Variants in KAT6A observed in about 807,000 individuals in gnomAD.
The protein encoded by KAT6A is histone acetyltransferase KAT6A.
In KAT6A, 9 loss-of-function variants were observed where a neutral mutation model predicts 198.4. That is an observed-to-expected ratio of 0.05 (90% CI 0.03 to 0.08). The LOEUF (loss-of-function observed/expected upper bound fraction) is 0.08, where lower values mean the gene tolerates loss of function less well. Among genes scored for constraint, KAT6A ranks in the 10% least tolerant of loss-of-function variants. The probability of loss-of-function intolerance (pLI) is 1.00; values close to 1 mark genes in which losing one functional copy is unlikely to be tolerated. For missense variants in KAT6A, 2,077 were observed against 2,509.9 expected, an observed-to-expected ratio of 0.83 and a Z score of 3.69; for synonymous variants, 890 against 883.0, an observed-to-expected ratio of 1.01 and a Z score of -0.14.
chr8:42,044,907 C>G (rs1827835795), intron 2 of KAT6A, among the ~76,000 whole-genome samples: 1 of 152,174 alleles, frequency 6.6e-6, no homozygotes, highest in South Asian at 2.1e-4. Context: ...TTGAGAACAT[C>G]TAGGTTCGTA....
Position 41,934,051 on chromosome 8 carries a change from G to T in KAT6A, c.4169C>A (p.Ala1390Asp). Residue 1390 changes from alanine to aspartate, a missense_variant, in exon 17 of 17, where the codon GCT becomes GAT. By Grantham distance (126) the Ala-to-Asp change is moderately radical. Around this residue, in one of 13 missense-constraint regions of KAT6A, gnomAD observed 178 missense variants for 220.8 expected, o/e 0.81. Coordinates refer to ENST00000265713, the MANE Select transcript of KAT6A (RefSeq NM_006766.5). ...TTCTTCGTGGTCGTCCTCAGACCCAGCCATCTGCTCTGACACCACGGACGT... is the reference window on the plus strand; with the variant it reads ...TTCTTCGTGGTCGTCCTCAGACCCATCCATCTGCTCTGACACCACGGACGT... Reference protein sequence around the residue: ...HDTSVVSEQMAGSEDDHEEDS... With the variant: ...HDTSVVSEQMDGSEDDHEEDS... The T allele has an allele frequency of 6.2e-7, 1 of 1,614,058 alleles. No homozygotes were observed. The highest frequency in any genetic ancestry group is 8.5e-7 in the Non-Finnish European group (1 of 1,180,004).
chr8:42,022,130 TA>T (rs1826570138), intron 2 of KAT6A, among the ~76,000 whole-genome samples: 1 of 152,182 alleles, frequency 6.6e-6, no homozygotes, highest in Non-Finnish European at 1.5e-5. Context: ...TGCTGTGATC[TA>T]AATATAATAC....
rs892245359 is a variant in KAT6A at position 42,048,721 on chromosome 8, C to T, written c.257G>A (p.Arg86Gln). 68 of 1,614,024 alleles carry T rather than the reference C, an allele frequency of 4.2e-5. No homozygotes were observed. Among genetic ancestry groups the T allele is most frequent in the Non-Finnish European group, 5.5e-5 (65 of 1,180,028 alleles). Residue 86 changes from arginine to glutamine, a missense_variant, in exon 2 of 17, where the codon CGG (arginine) becomes CAG (glutamine). This residue lies in a region of KAT6A where 185 missense variants were observed against 185.7 expected (regional missense o/e 1.00). Coordinates refer to ENST00000265713, the MANE Select transcript of KAT6A (RefSeq NM_006766.5). Reference sequence around the variant, plus strand: ...TTTATTATCCAATTTTCCATGGTTCCGAGGCTTAGGAAGTGCTATTCGCCC... The same window carrying T: ...TTTATTATCCAATTTTCCATGGTTCTGAGGCTTAGGAAGTGCTATTCGCCC... The part of the protein sequence containing the change: ...NPGRIALPKP[R>Q]NHGKLDNKQN...
Position 41,929,588 on chromosome 8 carries a change from G to A in KAT6A, c.*2617C>T, listed in dbSNP as rs1821422357. The stretch of plus-strand genomic sequence containing the variant: ...GGTATTACATACAAGGAGAGGAAGG[G>A]AGGCCGGCTGGCCCAGGAGCGCGTG... On this transcript the variant is annotated 3_prime_UTR_variant, in exon 17 of 17. Coordinates refer to ENST00000265713, the MANE Select transcript of KAT6A (RefSeq NM_006766.5). 1 of 192,518 alleles carries A rather than the reference G, an allele frequency of 5.2e-6. No homozygotes were observed. The highest frequency in any genetic ancestry group is 6.1e-5 in the Admixed American group (1 of 16,294). 11.9% of individuals were successfully genotyped at this position (192,518 alleles called of 1,614,324 possible).
At chr8:42,037,658 A>G (rs913992011) in intron 2 of KAT6A, among the ~76,000 whole-genome samples, 3 of 151,862 alleles carry the variant, frequency 2.0e-5, no homozygotes. Flanking sequence ...TAAACGGCAA[A>G]AGAAGCAACT....
At chr8:41,953,683 A>C (rs1822779144) in intron 9 of KAT6A, among the ~76,000 whole-genome samples, 1 of 152,146 alleles carries the variant, frequency 6.6e-6, no homozygotes, top group Non-Finnish European at 1.5e-5. Flanking sequence ...CATGTTGGCC[A>C]GGCTGGTCTT....
At chr8:42,044,207 T>C (rs927575808) in intron 2 of KAT6A, among the ~76,000 whole-genome samples, 11 of 151,738 alleles carry the variant, frequency 7.2e-5, no homozygotes, top group African/African-American at 2.7e-4. Flanking sequence ...TTCAAGCGAT[T>C]ATCCTGCCTC....
At position 41,929,495 on chromosome 8, in the gene KAT6A, A is replaced by G. The variant is rs990921797; in HGVS notation, c.*2710T>C. 5 of 180,194 alleles carry G rather than the reference A, an allele frequency of 2.8e-5. No homozygotes were observed. Among genetic ancestry groups the G allele is most frequent in the African/African-American group, 4.7e-5 (2 of 42,342 alleles). The allele number at this position is 180,194 out of a possible 1,614,324, so 11.2% of individuals were successfully genotyped here. The stretch of plus-strand genomic sequence containing the variant: ...AGACAGACATCCAAAATGGCTCAAC[A>G]TAATTTATTTTTTATGTTAAAATGT... On this transcript the variant is annotated 3_prime_UTR_variant, in exon 17 of 17. Transcript: ENST00000265713.
At chr8:41,953,679 G>A (rs1257685283) in intron 9 of KAT6A, among the ~76,000 whole-genome samples, 1 of 152,092 alleles carries the variant, frequency 6.6e-6, no homozygotes, top group Non-Finnish European at 1.5e-5. Flanking sequence ...TCGCCATGTT[G>A]GCCAGGCTGG....
chr8:41,959,159 G>GAAA (rs57009251), intron 8 of KAT6A, among the ~76,000 whole-genome samples: 3 of 82,872 alleles, frequency 3.6e-5, no homozygotes, highest in Non-Finnish European at 4.7e-5. Flanking sequence ...AGACTGTCTC[G>GAAA]AAAAAAAAAA....
chr8:41,958,708 G>A (rs1823047020), intron 8 of KAT6A, among the ~76,000 whole-genome samples: 1 of 152,180 alleles, frequency 6.6e-6, no homozygotes, highest in Non-Finnish European at 1.5e-5. Flanking sequence ...AGGATTTGGA[G>A]CAGCACTCCA....
intron 2 of KAT6A, among the ~76,000 whole-genome samples, chr8:41,990,224 T>TA (rs1291186061): frequency 1.3e-5 from 2 of 152,168 alleles, no homozygotes; most frequent in Admixed American, 6.5e-5. Flanking sequence ...AGTTAAAAAC[T>TA]GATTGCAAGG....
chr8:42,014,818 G>A (rs1369524235), intron 2 of KAT6A, among the ~76,000 whole-genome samples: 1 of 152,198 alleles, frequency 6.6e-6, no homozygotes. Flanking sequence ...AGCAGTATGT[G>A]ATCCAATGAA....
chr8:42,050,027 C>T (rs531647324), intron 1 of KAT6A, among the ~76,000 whole-genome samples: 3 of 151,640 alleles, frequency 2.0e-5, no homozygotes, highest in Non-Finnish European at 4.4e-5. Context: ...TATTCATATG[C>T]TGAAGAGAGT....
rs191523261 is a variant in KAT6A at position 41,954,704 on chromosome 8, T to C, written c.1598+592A>G. Among the ~76,000 whole-genome samples, 822 of 152,334 alleles carry C rather than the reference T, an allele frequency of 5.4e-3. 8 individuals carry two copies. Among genetic ancestry groups the C allele is most frequent in the African/African-American group, 0.019 (794 of 41,574 alleles). ...ATCTCTGCTTTACAGATGAGGAAAC[T>C]GAGGCACAGAGCAGTTGGGCAGCTT... On this transcript the variant is annotated intron_variant, in intron 9 of 16. Coordinates refer to ENST00000265713, the MANE Select transcript of KAT6A (RefSeq NM_006766.5).
chr8:42,033,689 T>A (rs1032960461), intron 2 of KAT6A, among the ~76,000 whole-genome samples: 1 of 152,170 alleles, frequency 6.6e-6, no homozygotes, highest in African/African-American at 2.4e-5. Context: ...TTTTACTTCA[T>A]CAGAGCACTT....
intron 2 of KAT6A, among the ~76,000 whole-genome samples, chr8:41,996,301 T>C (rs1825198625): frequency 6.6e-6 from 1 of 152,194 alleles, no homozygotes. Context: ...ATGTGGTTTC[T>C]AAAAGCTACA....
intron 2 of KAT6A, among the ~76,000 whole-genome samples, chr8:41,994,660 T>G (rs1053884502): frequency 4.6e-5 from 7 of 152,120 alleles, no homozygotes; most frequent in African/African-American, 7.2e-5. Flanking sequence ...TTTCACTAAT[T>G]AACATGTGTG....
chr8:42,029,527 C>G (rs1827000106), intron 2 of KAT6A, among the ~76,000 whole-genome samples: 1 of 149,308 alleles, frequency 6.7e-6, no homozygotes, highest in Non-Finnish European at 1.5e-5. Context: ...TCTGCTTGAT[C>G]TAGTCTATAG....
Sources: allele counts gnomAD v4.1 joint callset (sites outside exome capture counted in the v4.1 genomes callset), GRCh38; gene constraint gnomAD v4.1.1; regional missense constraint gnomAD v4.1.1; transcripts MANE v1.5; gene names NCBI Gene and HGNC (gene_info 2026-07-23, HGNC 2026-07-21).